The following DPP10 variants were observed in gnomAD, a reference collection of about 807,000 sequenced individuals.
DPP10 encodes the protein inactive dipeptidyl peptidase 10.
DPP10 carries 33 observed loss-of-function variants against 120.9 expected under a neutral mutation model. The ratio of observed to expected loss-of-function variants is 0.27; its 90% CI spans 0.21 to 0.37. The LOEUF is 0.37. Ranked by LOEUF, DPP10 falls within the 10% of genes least tolerant of loss-of-function variation. DPP10 has a pLI of 1.00. For synonymous variants in DPP10, 337 were observed against 326.1 expected (o/e 1.03, Z -0.36); for missense variants, 816 against 942.8 (o/e 0.87, Z 1.76).
At chr2:115,117,691 G>A (rs919471348) in intron 1 of DPP10, among the ~76,000 whole-genome samples, 2 of 152,120 alleles carry the variant, frequency 1.3e-5, no homozygotes, top group Non-Finnish European at 2.9e-5. Context: ...TTCTGAAAAC[G>A]CTTTGTAAGC....
intron 1 of DPP10, among the ~76,000 whole-genome samples, chr2:115,124,443 C>T (rs1452650055): frequency 6.6e-6 from 1 of 152,194 alleles, no homozygotes; most frequent in Non-Finnish European, 1.5e-5. Flanking sequence ...CTTAGGCACA[C>T]AAGGTTCATT....
intron 8 of DPP10, among the ~76,000 whole-genome samples, chr2:115,738,219 G>C (rs924878825): frequency 2.6e-5 from 4 of 152,132 alleles, no homozygotes; most frequent in African/African-American, 9.7e-5. Context: ...CCGTTCCTAT[G>C]TTCTCTTGGA....
intron 3 of DPP10, among the ~76,000 whole-genome samples, chr2:115,413,589 A>T (rs957203954): frequency 2.6e-5 from 4 of 152,210 alleles, no homozygotes; most frequent in African/African-American, 9.6e-5. Context: ...CTAAAATTTT[A>T]AAAAATCACT....
chr2:115,567,039 CCGACT>C (rs1203470402), intron 5 of DPP10, among the ~76,000 whole-genome samples: 5 of 152,054 alleles, frequency 3.3e-5, no homozygotes, highest in African/African-American at 7.2e-5. Flanking sequence ...GAAAAGCAAA[CCGACT>C]CATTACATTT....
intron 1 of DPP10, among the ~76,000 whole-genome samples, chr2:114,531,738 G>C (rs1558851090): frequency 6.6e-6 from 1 of 151,968 alleles, no homozygotes. Context: ...GGGTATGAAA[G>C]CAAAGAGCTA....
At chr2:114,454,760 C>T (rs560271706) in intron 1 of DPP10, among the ~76,000 whole-genome samples, 2 of 152,104 alleles carry the variant, frequency 1.3e-5, no homozygotes, top group Non-Finnish European at 2.9e-5. Flanking sequence ...CTTCCCTCCC[C>T]CTGCAAACAA....
chr2:114,662,229 G>C (rs990795015), intron 1 of DPP10, among the ~76,000 whole-genome samples: 3 of 152,318 alleles, frequency 2.0e-5, no homozygotes, highest in Admixed American at 6.5e-5. Flanking sequence ...TCCTGAGGGG[G>C]GAGACTGGAA....
rs1430820137 is a variant in DPP10, at chr2:114,831,181, A to G, written c.60+388343A>G. On this transcript the variant is annotated intron_variant, in intron 1 of 25. Coordinates refer to ENST00000410059, the MANE Select transcript of DPP10 (RefSeq NM_020868.6). The stretch of plus-strand genomic sequence containing the variant: ...AAAATGTATTAATGTTGTAATTATA[A>G]CATTCCAATGTTTCTGCTTTCTCAA... 2.0e-5 allele frequency among the ~76,000 whole-genome samples: 3 copies of G among 152,010 alleles called. No homozygotes were observed. The East Asian group carries it at 5.8e-4, about 29-fold the overall frequency.
At chr2:114,774,819 T>C (rs1046512694) in intron 1 of DPP10, among the ~76,000 whole-genome samples, 7 of 151,802 alleles carry the variant, frequency 4.6e-5, no homozygotes, top group African/African-American at 1.7e-4. Context: ...AAGTGAAGCA[T>C]GAAATTCAGT....
intron 1 of DPP10, among the ~76,000 whole-genome samples, chr2:115,045,943 A>AT (rs775487161): frequency 6.6e-6 from 1 of 151,698 alleles, no homozygotes; most frequent in Non-Finnish European, 1.5e-5. Flanking sequence ...CTTATGAGTA[A>AT]TTTTCTCAAA....
intron 1 of DPP10, among the ~76,000 whole-genome samples, chr2:114,984,231 G>A (rs1185627562): frequency 6.6e-6 from 1 of 152,122 alleles, no homozygotes; most frequent in East Asian, 1.9e-4. Context: ...TATTTTGCCA[G>A]ATAATTAATA....
chr2:115,703,202 T>A (rs114047860), intron 7 of DPP10, among the ~76,000 whole-genome samples: 11,867 of 151,958 alleles, frequency 0.078, 653 homozygotes, highest in Non-Finnish European at 0.12. Context: ...ACTCATTTTT[T>A]AAATTTATTT....
intron 5 of DPP10, among the ~76,000 whole-genome samples, chr2:115,555,667 T>C (rs2080164241): frequency 6.6e-6 from 1 of 152,148 alleles, no homozygotes; most frequent in Non-Finnish European, 1.5e-5. Context: ...CCTTCAGTTA[T>C]AAAAAATCAT....
chr2:115,142,106 A>T (rs1300422938), intron 1 of DPP10, among the ~76,000 whole-genome samples: 1 of 152,184 alleles, frequency 6.6e-6, no homozygotes, highest in Admixed American at 6.5e-5. Context: ...TAGTTAAATA[A>T]GATACAGTTC....
rs576878339 is a variant in DPP10 at position 114,770,481 on chromosome 2, G to T, written c.60+327643G>T. ...AAATGGGGACATTCACACAATGGTG[G>T]TAAGAGAGTGAATGGATCCCAACTT... On this transcript the variant is annotated intron_variant, in intron 1 of 25. Transcript: ENST00000410059. 2.6e-5 allele frequency among the ~76,000 whole-genome samples: 4 copies of T among 152,252 alleles called. No homozygotes were observed. In the South Asian group the frequency reaches 6.2e-4, roughly 24 times the overall value.
intron 1 of DPP10, among the ~76,000 whole-genome samples, chr2:115,215,289 T>G (rs2105375057): frequency 6.6e-6 from 1 of 152,342 alleles, no homozygotes; most frequent in South Asian, 2.1e-4. Flanking sequence ...CAGCAGGAAC[T>G]TATAACTTAT....
chr2:114,743,104 A>G (rs1678227739), intron 1 of DPP10, among the ~76,000 whole-genome samples: 1 of 152,218 alleles, frequency 6.6e-6, no homozygotes, highest in Non-Finnish European at 1.5e-5. Context: ...AGACAAAAGC[A>G]AGGTAATAGC....
At chr2:115,757,183 A>C (rs1679520208) in intron 11 of DPP10, among the ~76,000 whole-genome samples, 2 of 152,084 alleles carry the variant, frequency 1.3e-5, no homozygotes, top group Admixed American at 6.6e-5. Context: ...CATTTCAACT[A>C]ATATTATAAG....
chr2:115,574,568 A>G (rs2149102746), intron 5 of DPP10, among the ~76,000 whole-genome samples: 1 of 152,268 alleles, frequency 6.6e-6, no homozygotes, highest in Middle Eastern at 3.4e-3. Flanking sequence ...TAAACACTCT[A>G]TCTGGACCCT....
Sources: gnomAD v4.1 joint callset for allele counts (sites outside exome capture counted in the v4.1 genomes callset) on GRCh38, gnomAD v4.1.1 for gene constraint, MANE v1.5 for transcripts, NCBI Gene and HGNC (gene_info 2026-07-23, HGNC 2026-07-21) for gene names.